The following F8 variants were observed in gnomAD, a reference collection of about 807,000 sequenced individuals.
F8 encodes the protein coagulation factor VIII.
F8 carries 12 observed loss-of-function variants against 140.6 expected under a neutral mutation model. The ratio of observed to expected loss-of-function variants is 0.09; its 90% confidence interval spans 0.05 to 0.14. The LOEUF (loss-of-function observed/expected upper bound fraction) is 0.14. Among genes scored for constraint, F8 ranks in the 10% least tolerant of loss-of-function variants. The pLI, the probability that F8 is intolerant of heterozygous loss-of-function variation, is 1.00. For missense variants in F8, 1,354 were observed against 1,720.7 expected (o/e 0.79, Z 3.77); for synonymous variants, 585 against 614.6 (o/e 0.95, Z 0.71).
At chrX:154,990,205 A>C (rs1010484233) in intron 4 of F8, among the ~76,000 whole-genome samples, 1 of 111,722 alleles carries the variant, frequency 9.0e-6, no homozygotes, top group Non-Finnish European at 1.9e-5. Flanking sequence ...TTTAGATTTA[A>C]GCCTATCATT....
chrX:154,848,556 G>A (rs1332989047), intron 25 of F8, among the ~76,000 whole-genome samples: 3 of 112,304 alleles, frequency 2.7e-5, no homozygotes, highest in Non-Finnish European at 5.6e-5. Context: ...AGCAATGAGC[G>A]AGGCTCCGTG....
At chrX:154,838,841 A>G (rs1649137659) in intron 25 of F8, among the ~76,000 whole-genome samples, 1 of 110,993 alleles carries the variant, frequency 9.0e-6, no homozygotes, top group African/African-American at 3.3e-5. Context: ...TCATTCATCT[A>G]GCTACATTTT....
In F8 at chrX:154,930,418, T is replaced by C; in HGVS notation, c.3372A>G (p.Ser1124=). 1.7e-6 allele frequency: 2 copies of C among 1,211,764 alleles called. No individual in the cohort carries two copies. The highest frequency in any genetic ancestry group is 1.1e-6 in the Non-Finnish European group (1 of 895,344). The change falls in exon 14 of 26, where the codon TCA becomes TCG. Residue 1124 remains serine, a synonymous_variant. Transcript: ENST00000360256. ...CATGAGTCCTTTGTATCCACCTTGC[T>C]GATTCTGGCAAGAATAGCATCTTAA... The part of the protein sequence containing the change: ...SFFKMLFLPE[S]ARWIQRTHGK...
intron 22 of F8, among the ~76,000 whole-genome samples, chrX:154,869,744 T>C (rs374132089): frequency 1.8e-5 from 2 of 111,211 alleles, no homozygotes; most frequent in Admixed American, 1.9e-4. Context: ...CAAAAAATCA[T>C]TGAATCCAGG....
intron 25 of F8, among the ~76,000 whole-genome samples, chrX:154,859,752 A>C (rs1410533315): frequency 9.0e-6 from 1 of 111,501 alleles, no homozygotes; most frequent in Non-Finnish European, 1.9e-5. Flanking sequence ...TCCAGCCTTG[A>C]TGGATAAGGG....
At chrX:154,996,877 G>A in intron 3 of F8, 96 bp downstream of exon 3, 1 of 923,669 alleles carries the variant, frequency 1.1e-6, no homozygotes. Context: ...GTTCAGTTAG[G>A]ACCTTAAAAG....
At chrX:154,973,019 A>G (rs1480284341) in intron 6 of F8, among the ~76,000 whole-genome samples, 2 of 111,238 alleles carry the variant, frequency 1.8e-5, no homozygotes, top group African/African-American at 6.5e-5. Flanking sequence ...GGCCTATTTG[A>G]CTTTCATACG....
chrX:154,993,310 C>T (rs1039567497), intron 3 of F8, among the ~76,000 whole-genome samples, 162 bp from the exon 4 acceptor site: 16 of 112,000 alleles, frequency 1.4e-4, no homozygotes, highest in African/African-American at 5.2e-4. Context: ...ACTCTGTTGC[C>T]CAGGCTGGAT....
chrX:154,953,864 C>T, intron 12 of F8, 28 bp downstream of exon 12: 1 of 1,210,276 alleles, frequency 8.3e-7, no homozygotes, highest in Admixed American at 2.2e-5. Context: ...ATTCACCACC[C>T]ACTGGACTTA....
chrX:154,981,707 C>T (rs1272989173), intron 6 of F8, among the ~76,000 whole-genome samples: 1 of 111,151 alleles, frequency 9.0e-6, no homozygotes, highest in African/African-American at 3.3e-5. Flanking sequence ...TGCTTTAAAA[C>T]ACACAGTTGA....
At chrX:154,841,199 T>A (rs2072517807) in intron 25 of F8, among the ~76,000 whole-genome samples, 1 of 105,485 alleles carries the variant, frequency 9.5e-6, no homozygotes, top group Admixed American at 1.0e-4. Flanking sequence ...TTCCAACATT[T>A]GCTTTCTTCT....
At chrX:154,994,686 G>T (rs1162949098) in intron 3 of F8, among the ~76,000 whole-genome samples, 1 of 111,469 alleles carries the variant, frequency 9.0e-6, no homozygotes, top group African/African-American at 3.3e-5. Flanking sequence ...GCCATATCAG[G>T]GGCAGATAAT....
At position 154,999,409 on chromosome X, in the gene F8, G is replaced by C. The variant is rs140776535; in HGVS notation, c.265+70C>G. The stretch of plus-strand genomic sequence containing the variant: ...CTGCACTTTTTAACTGCAACCTCAA[G>C]ATTGGGGAATCTGTGATAGAAAATA... On this transcript the variant is annotated intron_variant, in intron 2 of 25. Coordinates refer to ENST00000360256, the MANE Select transcript of F8 (RefSeq NM_000132.4). 2.5e-5 allele frequency: 28 copies of C among 1,109,489 alleles called. No individual in the cohort carries two copies. In the East Asian group the frequency reaches 8.1e-4, roughly 32 times the overall value. 91.4% of individuals were successfully genotyped at this position (1,109,489 alleles called of 1,213,427 possible).
intron 22 of F8, among the ~76,000 whole-genome samples, chrX:154,874,791 T>C (rs1557273871): frequency 8.9e-6 from 1 of 112,174 alleles, no homozygotes; most frequent in African/African-American, 3.2e-5. Context: ...AAAAACAGCA[T>C]AGAGGTTCCT....
In F8 at chrX:154,930,838, C is replaced by T. The variant is rs782148632; in HGVS notation, c.2952G>A (p.Ser984=). Residue 984 remains serine (S), a synonymous_variant, in exon 14 of 26, where the codon TCG becomes TCA. Transcript: ENST00000360256. Reference sequence around the variant, plus strand: ...TAAATAACCTACCACTCTCTGTTGACGATACATTTTTTCCCCATGAACTTT... The same window carrying T: ...TAAATAACCTACCACTCTCTGTTGATGATACATTTTTTCCCCATGAACTTT... The part of the protein sequence containing the change: ...SQESSWGKNV[S]STESGRLFKG... The T allele has an allele frequency of 1.3e-5, 16 of 1,206,672 alleles. No individual in the cohort carries two copies. The highest frequency in any genetic ancestry group is 1.2e-4 in the South Asian group (7 of 56,141).
At chrX:154,945,465 A>G (rs782132325) in intron 13 of F8, among the ~76,000 whole-genome samples, 3 of 112,421 alleles carry the variant, frequency 2.7e-5, no homozygotes, top group Admixed American at 9.4e-5. Flanking sequence ...AAATGAATCA[A>G]TGTGATACAT....
At chrX:154,972,198 T>C (rs2073459896) in intron 6 of F8, among the ~76,000 whole-genome samples, 4 of 112,328 alleles carry the variant, frequency 3.6e-5, no homozygotes, top group Admixed American at 1.9e-4. Context: ...TTATTTTGTC[T>C]TTTTTATAAT....
chrX:154,896,067 A>G lies in F8; in HGVS notation c.6429+10T>C. The stretch of plus-strand genomic sequence containing the variant: ...ATTCAGGCATTCCCTTTAAATGACT[A>G]ATTACATACCATTAAGGTTCCAGTG... On this transcript the variant is annotated intron_variant, in intron 22 of 25. Coordinates refer to ENST00000360256, the MANE Select transcript of F8 (RefSeq NM_000132.4). The G allele has an allele frequency of 8.3e-7, 1 of 1,207,753 alleles. No homozygotes were observed. The highest frequency in any genetic ancestry group is 1.1e-6 in the Non-Finnish European group (1 of 892,226).
intron 1 of F8, among the ~76,000 whole-genome samples, chrX:155,006,422 G>A (rs1412889409): frequency 2.2e-5 from 1 of 45,788 alleles, no homozygotes; most frequent in African/African-American, 9.4e-5. Flanking sequence ...GCAGGTCCCC[G>A]GGGTTGTGCC....
Sources: gnomAD v4.1 joint callset for allele counts (sites outside exome capture counted in the v4.1 genomes callset) on GRCh38, gnomAD v4.1.1 for gene constraint, MANE v1.5 for transcripts, NCBI Gene and HGNC (gene_info 2026-07-23, HGNC 2026-07-21) for gene names.